Variants in MET observed in about 807,000 individuals in gnomAD.
MET encodes the protein hepatocyte growth factor receptor.
Under a neutral mutation model 133.1 loss-of-function variants are expected in MET, and 48 were observed. The ratio of observed to expected loss-of-function variants is 0.36; its 90% CI spans 0.29 to 0.46. The LOEUF is 0.46. MET is among the 20% of genes least tolerant of loss of function. MET has a pLI of 1.00. For synonymous variants in MET, 628 were observed against 616.5 expected (o/e 1.02, Z -0.28); for missense variants, 1,442 against 1,695.9 (o/e 0.85, Z 2.63).
At chr7:116,751,561 C>T (rs1793920839) in intron 5 of MET, among the ~76,000 whole-genome samples, 1 of 152,142 alleles carries the variant, frequency 6.6e-6, no homozygotes, top group South Asian at 2.1e-4. Context: ...TGCAAGTTAA[C>T]CTGCTTTTCA....
chr7:116,763,867 G>T (rs1334391118), intron 11 of MET, among the ~76,000 whole-genome samples: 2 of 152,148 alleles, frequency 1.3e-5, no homozygotes, highest in Non-Finnish European at 2.9e-5. Flanking sequence ...CAAAATAGTG[G>T]CAGAATAATA....
At chr7:116,714,440 C>T (rs1792115185) in intron 2 of MET, among the ~76,000 whole-genome samples, 1 of 152,174 alleles carries the variant, frequency 6.6e-6, no homozygotes, top group Non-Finnish European at 1.5e-5. Flanking sequence ...GGCTCAACTT[C>T]GACCTCTGCC....
rs1795382445 is a variant in MET, at chr7:116,788,450, C to A, written c.3798+4981C>A. 2.6e-5 allele frequency among the ~76,000 whole-genome samples: 4 copies of A among 152,204 alleles called. No individual in the cohort carries two copies. The South Asian group carries it at 6.2e-4, about 24-fold the overall frequency. ...TTGGGATTCTAAGCTTCTTGACAGC[C>A]ACATACATGCAACAATACCCCCACC... On this transcript the variant is annotated intron_variant, in intron 19 of 20. Coordinates refer to ENST00000397752, the MANE Select transcript of MET (RefSeq NM_000245.4).
chr7:116,796,063 C>G lies in MET; in HGVS notation c.4112C>G (p.Ser1371Ter), dbSNP rs781433659. 6.2e-7 allele frequency: 1 copy of G among 1,614,014 alleles called. No homozygotes were observed. The highest frequency in any genetic ancestry group is 1.1e-5 in the South Asian group (1 of 91,074). ...CVAPYPSLLS[S>*]EDNADDEVDT... ...GCTCCGTATCCTTCTCTGTTGTCAT[C>G]AGAAGATAACGCTGATGATGAGGTG... is the stretch of plus-strand genomic sequence containing the variant. Residue 1371 changes from serine to a stop codon, truncating the protein, a stop_gained, in exon 21 of 21, where the codon TCA becomes TGA. Coordinates refer to ENST00000397752, the MANE Select transcript of MET (RefSeq NM_000245.4). LOFTEE classifies it low-confidence loss of function (END_TRUNC).
At chr7:116,694,081 A>G (rs1796874303) in intron 1 of MET, among the ~76,000 whole-genome samples, 1 of 152,238 alleles carries the variant, frequency 6.6e-6, no homozygotes, top group East Asian at 1.9e-4. Context: ...TCATTTAACT[A>G]GCAGTTATCA....
chr7:116,726,871 G>T (rs910537104), intron 2 of MET, among the ~76,000 whole-genome samples: 1 of 152,202 alleles, frequency 6.6e-6, no homozygotes, highest in Non-Finnish European at 1.5e-5. Flanking sequence ...AGACCAGAAG[G>T]CCAGTGAGGA....
rs28444388 is a variant in MET at position 116,700,215 on chromosome 7, C to A, written c.1131C>A (p.Ile377=). The change falls in exon 2 of 21, where the codon ATC becomes ATA. Residue 377 remains isoleucine, a synonymous_variant. Coordinates refer to ENST00000397752, the MANE Select transcript of MET (RefSeq NM_000245.4). The stretch of plus-strand genomic sequence containing the variant: ...ATGTCAACGACTTCTTCAACAAGAT[C>A]GTCAACAAAAACAATGTGAGATGTC... ...IKYVNDFFNK[I]VNKNNVRCLQ... The A allele has an allele frequency of 1.9e-6, 3 of 1,594,280 alleles. No homozygotes were observed. The highest frequency in any genetic ancestry group is 1.8e-5 in the Admixed American group (1 of 55,040).
chr7:116,693,490 G>A lies in MET; in HGVS notation c.-14-5581G>A, dbSNP rs575179735. On this transcript the variant is annotated intron_variant, in intron 1 of 20. Transcript: ENST00000397752. ...GAAAGCAGTTGACCTCAGAGGAGTT[G>A]GGTGACTTGCCTGGGTCATACAAAT... is the stretch of plus-strand genomic sequence containing the variant. Among the ~76,000 whole-genome samples the A allele has an allele frequency of 3.3e-5, 5 of 152,270 alleles. No individual in the cohort carries two copies. The East Asian group carries it at 9.6e-4, about 29-fold the overall frequency.
At chr7:116,675,264 T>C (rs969430279) in intron 1 of MET, among the ~76,000 whole-genome samples, 7 of 152,354 alleles carry the variant, frequency 4.6e-5, no homozygotes, top group South Asian at 2.1e-4. Flanking sequence ...TACAGCATTT[T>C]CTTTAAAAGA....
At chr7:116,744,702 A>C (rs1793598263) in intron 5 of MET, among the ~76,000 whole-genome samples, 1 of 152,144 alleles carries the variant, frequency 6.6e-6, no homozygotes, top group Admixed American at 6.5e-5. Flanking sequence ...CCACAAAGAT[A>C]CTCCTCTAGA....
At chr7:116,780,861 G>T (rs1795135059) in intron 17 of MET, among the ~76,000 whole-genome samples, 2 of 152,174 alleles carry the variant, frequency 1.3e-5, no homozygotes. Context: ...GTGGTTTGGG[G>T]TGATTTCTTT....
intron 2 of MET, among the ~76,000 whole-genome samples, chr7:116,708,946 G>T (rs1423396047): frequency 1.3e-5 from 2 of 152,088 alleles, no homozygotes; most frequent in African/African-American, 4.8e-5. Context: ...AGAATTCAAG[G>T]GAATGTGATG....
At chr7:116,741,054 GTTTTTGTTTGGTGTTTTT>G in intron 5 of MET, 29 bp downstream of exon 5, 1 of 1,361,800 alleles carries the variant, frequency 7.3e-7, no homozygotes, top group Non-Finnish European at 1.0e-6. Flanking sequence ...TGGCATACAT[GTTTTTGTTTGGTGTTTTT>G]TTTTTTTTTT....
chr7:116,757,384 AC>A, intron 6 of MET, 52 bp from the exon 7 acceptor site: 1 of 1,449,998 alleles, frequency 6.9e-7, no homozygotes, highest in South Asian at 1.2e-5. Flanking sequence ...AAACAACCTA[AC>A]CAGAAAATTC....
intron 5 of MET, among the ~76,000 whole-genome samples, chr7:116,741,861 C>G (rs1793470925): frequency 6.6e-6 from 1 of 152,224 alleles, no homozygotes; most frequent in African/African-American, 2.4e-5. Context: ...ACATCTCTTG[C>G]TGATAGAGAA....
intron 1 of MET, among the ~76,000 whole-genome samples, chr7:116,695,226 GT>G (rs1489148201): frequency 5.9e-5 from 9 of 151,812 alleles, no homozygotes; most frequent in Admixed American, 5.9e-4. Flanking sequence ...TTTTCCCATT[GT>G]GCTCTAGATG....
chr7:116,694,719 G>C (rs1019956192), intron 1 of MET, among the ~76,000 whole-genome samples: 2 of 151,632 alleles, frequency 1.3e-5, no homozygotes, highest in Non-Finnish European at 2.9e-5. Flanking sequence ...ATGGAGTCTC[G>C]CTCTGTCATC....
At chr7:116,755,041 AAAAG>A (rs1403261908) in intron 5 of MET, among the ~76,000 whole-genome samples, 14 of 37,340 alleles carry the variant, frequency 3.7e-4, no homozygotes, top group Non-Finnish European at 5.8e-4. Flanking sequence ...AGAAAGAAAG[AAAAG>A]AAAGAAAGAA....
chr7:116,766,733 C>A (rs1794641178), intron 11 of MET, among the ~76,000 whole-genome samples: 1 of 151,992 alleles, frequency 6.6e-6, no homozygotes, highest in African/African-American at 2.4e-5. Context: ...GGGCATTCTG[C>A]AAAATATATA....
Sources: gnomAD v4.1 joint callset for allele counts (sites outside exome capture counted in the v4.1 genomes callset) on GRCh38, gnomAD v4.1.1 for gene constraint, MANE v1.5 for transcripts, NCBI Gene and HGNC (gene_info 2026-07-23, HGNC 2026-07-21) for gene names.